Variants in SIAH3 observed in about 807,000 individuals in gnomAD.
The protein encoded by SIAH3 is seven in absentia homolog 3.
In SIAH3, 9 loss-of-function variants were observed where a neutral mutation model predicts 12.6. The observed-to-expected ratio is 0.72, with a 90% CI of 0.43 to 1.25. SIAH3 has a LOEUF of 1.25. Among genes scored for constraint, SIAH3 ranks in the 50% most tolerant of loss-of-function variants. SIAH3 has a pLI of 0.00. For missense variants in SIAH3, 390 were observed against 365.4 expected, an observed-to-expected ratio of 1.07 and a Z score of -0.55; for synonymous variants, 154 against 151.1, an observed-to-expected ratio of 1.02 and a Z score of -0.14.
intron 1 of SIAH3, among the ~76,000 whole-genome samples, chr13:45,796,543 T>C (rs913624924): frequency 4.6e-5 from 7 of 152,146 alleles, no homozygotes; most frequent in African/African-American, 1.7e-4. Flanking sequence ...TGGCTGACAC[T>C]CCCAGGGAGA....
Position 45,783,501 on chromosome 13 carries a change from T to C in SIAH3, c.692A>G (p.Asp231Gly), listed in dbSNP as rs748763805. The change falls in exon 2 of 2, where the codon GAC becomes GGC. Residue 231 changes from aspartate (D) to glycine (G), a missense_variant. Transcript: ENST00000400405. ...GGTGTTGAGGACGAGGCAGTCCCCG[T>C]CCGTAATCACCGAGTCCACGCACTC... ...VLECVDSVIT[D>G]GDCLVLNTSL... 20 of 1,614,178 alleles carry C rather than the reference T, an allele frequency of 1.2e-5. No homozygotes were observed. Among genetic ancestry groups the C allele is most frequent in the Non-Finnish European group, 1.7e-5 (20 of 1,180,034 alleles).
At chr13:45,825,369 T>C (rs532346614) in intron 1 of SIAH3, among the ~76,000 whole-genome samples, 2 of 152,278 alleles carry the variant, frequency 1.3e-5, no homozygotes, top group South Asian at 4.1e-4. Context: ...AATCATTATC[T>C]CGACTCTGGG....
chr13:45,823,277 T>C (rs550205791), intron 1 of SIAH3, among the ~76,000 whole-genome samples: 2 of 152,210 alleles, frequency 1.3e-5, no homozygotes, highest in Admixed American at 6.5e-5. Flanking sequence ...CGGTCTGGGG[T>C]GGGCACCTAC....
At chr13:45,841,946 A>T (rs1003780836) in intron 1 of SIAH3, among the ~76,000 whole-genome samples, 3 of 152,194 alleles carry the variant, frequency 2.0e-5, no homozygotes, top group Non-Finnish European at 4.4e-5. Context: ...TGCCATGGGG[A>T]CATATTAGAG....
At chr13:45,833,918 G>A (rs566855508) in intron 1 of SIAH3, among the ~76,000 whole-genome samples, 7 of 151,882 alleles carry the variant, frequency 4.6e-5, no homozygotes, top group South Asian at 2.1e-4. Flanking sequence ...TTCCTGAGGC[G>A]TCTGCACAGA....
At chr13:45,809,610 AT>A (rs1344103161) in intron 1 of SIAH3, among the ~76,000 whole-genome samples, 6 of 152,264 alleles carry the variant, frequency 3.9e-5, no homozygotes, top group Non-Finnish European at 8.8e-5. Context: ...GCATTCTGAT[AT>A]TGTAAAATGT....
intron 1 of SIAH3, among the ~76,000 whole-genome samples, chr13:45,812,907 G>A (rs1289740045): frequency 6.6e-6 from 1 of 152,220 alleles, no homozygotes; most frequent in African/African-American, 2.4e-5. Context: ...AGCAAATAAA[G>A]GTGCAAGTCT....
intron 1 of SIAH3, among the ~76,000 whole-genome samples, chr13:45,838,592 T>C (rs945841093): frequency 2.6e-5 from 4 of 152,076 alleles, no homozygotes; most frequent in Non-Finnish European, 5.9e-5. Flanking sequence ...CAAGCAGACA[T>C]CATGGAGGAC....
At chr13:45,825,998 G>A (rs1400428970) in intron 1 of SIAH3, among the ~76,000 whole-genome samples, 1 of 152,100 alleles carries the variant, frequency 6.6e-6, no homozygotes, top group Non-Finnish European at 1.5e-5. Flanking sequence ...TTTGTTTCCT[G>A]GTTTCTCCTT....
intron 1 of SIAH3, among the ~76,000 whole-genome samples, chr13:45,843,034 C>CTCTGTGTGTG: frequency 7.2e-6 from 1 of 139,288 alleles, no homozygotes; most frequent in African/African-American, 2.6e-5. Context: ...CTCTCTCTCT[C>CTCTGTGTGTG]TGTGTGTGTG....
intron 1 of SIAH3, among the ~76,000 whole-genome samples, chr13:45,797,978 T>C (rs1950568965): frequency 6.6e-6 from 1 of 152,186 alleles, no homozygotes. Flanking sequence ...TTGTTAGTCA[T>C]GCAGTGTCCC....
chr13:45,813,668 A>G (rs1410063690), intron 1 of SIAH3, among the ~76,000 whole-genome samples: 1 of 152,168 alleles, frequency 6.6e-6, no homozygotes, highest in African/African-American at 2.4e-5. Context: ...TCTGGAGGCG[A>G]GGAAGTCCAA....
In SIAH3 at chr13:45,796,338, G is replaced by C. The variant is rs9595383; in HGVS notation, c.136-12281C>G. Among the ~76,000 whole-genome samples the C allele has an allele frequency of 5.0e-4, 76 of 151,934 alleles. 1 individual carries two copies. In the South Asian group the frequency reaches 0.014, roughly 28 times the overall value. On this transcript the variant is annotated intron_variant, in intron 1 of 1. Transcript: ENST00000400405. ...TGTTAAATGGACATATTTCATGGGC[G>C]GGGGGGAGGCGCTCAAGAACCCTAG...
intron 1 of SIAH3, among the ~76,000 whole-genome samples, chr13:45,805,599 A>G (rs1356426062): frequency 6.6e-6 from 1 of 152,194 alleles, no homozygotes; most frequent in Non-Finnish European, 1.5e-5. Context: ...AAAAACTGAA[A>G]TGTAAGACCT....
Position 45,851,524 on chromosome 13 carries a change from A to C in SIAH3, c.106T>G (p.Cys36Gly), listed in dbSNP as rs1950782018. The C allele has an allele frequency of 1.2e-6, 2 of 1,614,220 alleles. No homozygotes were observed. ...RVFSAAGQLVCVVNPTHNLKY... is the reference protein window; with the variant it reads ...RVFSAAGQLVGVVNPTHNLKY... ...AGGTTGTGTGTGGGGTTGACGACAC[A>C]GACAAGTTGCCCGGCAGCGGAGAAA... The change falls in exon 1 of 2, where the codon TGT becomes GGT. Residue 36 changes from cysteine to glycine, a missense_variant. Coordinates refer to ENST00000400405, the MANE Select transcript of SIAH3 (RefSeq NM_198849.3).
Position 45,780,160 on chromosome 13 carries a change from GTGAGAA to G in SIAH3, c.*3217_*3222del, listed in dbSNP as rs1470551306. The G allele has an allele frequency of 6.6e-6, 1 of 152,246 alleles. No individual in the cohort carries two copies. The highest frequency in any genetic ancestry group is 1.5e-5 in the Non-Finnish European group (1 of 68,070). 9.4% of individuals were successfully genotyped at this position (152,246 alleles called of 1,614,324 possible). On this transcript the variant is annotated 3_prime_UTR_variant, in exon 2 of 2. Transcript: ENST00000400405. ...GTGCAGGGACTCCTGGGACTCTAAG[GTGAGAA>G]ACCTGGGTGTGGGCAAAGGGATTCA...
rs200099090 is a variant in SIAH3, at chr13:45,783,860, C to G, written c.333G>C (p.Leu111Phe). The change falls in exon 2 of 2, where the codon TTG becomes TTC. Residue 111 changes from leucine to phenylalanine, a missense_variant. Physicochemically the swap from Leu to Phe is conservative, Grantham distance 22 (BLOSUM62 0). Coordinates refer to ENST00000400405, the MANE Select transcript of SIAH3 (RefSeq NM_198849.3). ...GGCGGCCTTCCCACTGGCAGGAGAA[C>G]AAGGGACACATGCACAGGCAGGGCG... ...PVTPCLCMCP[L>F]FSCQWEGRLE... 1 of 1,614,020 alleles carries G rather than the reference C, an allele frequency of 6.2e-7. No homozygotes were observed. Among genetic ancestry groups the G allele is most frequent in the African/African-American group, 1.3e-5 (1 of 75,044 alleles).
At chr13:45,812,305 G>A (rs971046041) in intron 1 of SIAH3, among the ~76,000 whole-genome samples, 2 of 152,176 alleles carry the variant, frequency 1.3e-5, no homozygotes, top group Non-Finnish European at 2.9e-5. Context: ...GACAAGCCCT[G>A]TGAGCCCATT....
intron 1 of SIAH3, among the ~76,000 whole-genome samples, chr13:45,843,020 C>T (rs1311845437): frequency 1.5e-5 from 2 of 131,064 alleles, no homozygotes; most frequent in East Asian, 2.4e-4. Context: ...GCCATTATTT[C>T]TCTCTCTCTC....
Sources: gnomAD v4.1 joint callset for allele counts (sites outside exome capture counted in the v4.1 genomes callset) on GRCh38, gnomAD v4.1.1 for gene constraint, MANE v1.5 for transcripts, NCBI Gene and HGNC (gene_info 2026-07-23, HGNC 2026-07-21) for gene names.